The following VTI1B variants were observed in gnomAD, a reference collection of about 807,000 sequenced individuals.
VTI1B encodes vesicle transport through interaction with t-SNAREs 1B.
In VTI1B, 18 loss-of-function variants were observed where a neutral mutation model predicts 28.6. That is an observed-to-expected ratio of 0.63 (90% confidence interval 0.43 to 0.93). VTI1B has a LOEUF of 0.93. VTI1B is among the 40% of genes least tolerant of loss of function. The probability of loss-of-function intolerance (pLI) is 0.00; values close to 1 mark genes in which losing one functional copy is unlikely to be tolerated. For synonymous variants in VTI1B, 100 were observed against 107.9 expected (o/e 0.93, Z 0.46); for missense variants, 283 against 297.0 (o/e 0.95, Z 0.35).
At chr14:67,657,325 A>G (rs2037271193) in intron 3 of VTI1B, 1 of 152,088 alleles carries the variant, frequency 6.6e-6, no homozygotes, top group Non-Finnish European at 1.5e-5. Flanking sequence ...AAAGAACTTC[A>G]CCTAAGGTCA....
chr14:67,661,467 A>G (rs751233357), intron 2 of VTI1B, among the ~76,000 whole-genome samples: 7 of 151,080 alleles, frequency 4.6e-5, no homozygotes, highest in African/African-American at 1.7e-4. Flanking sequence ...AGAAAGGGAC[A>G]TGGTTAGAAT....
chr14:67,651,370 C>A lies in VTI1B; in HGVS notation c.*15G>T. The A allele has an allele frequency of 6.2e-7, 1 of 1,613,468 alleles. No homozygotes were observed. The highest frequency in any genetic ancestry group is 1.1e-5 in the South Asian group (1 of 91,046). ...AGGTCAAAGTTCTGGTCCACAAACC[C>A]TTCCCTATAGAAGTTCAATGGCTGC... is the stretch of plus-strand genomic sequence containing the variant. On this transcript the variant is annotated 3_prime_UTR_variant, in exon 6 of 6. Coordinates refer to ENST00000554659, the MANE Select transcript of VTI1B (RefSeq NM_006370.3).
At chr14:67,660,257 T>C (rs969810660) in intron 2 of VTI1B, 2 of 169,404 alleles carry the variant, frequency 1.2e-5, no homozygotes, top group East Asian at 1.7e-4. Context: ...CCATTTCATA[T>C]ATAAGACTTA....
rs368540957 is a variant in VTI1B, at chr14:67,662,547, A to G, written c.116-12T>C. The G allele has an allele frequency of 1.0e-5, 16 of 1,604,000 alleles. No individual in the cohort carries two copies. In the African/African-American group the frequency reaches 1.5e-4, roughly 15 times the overall value. On this transcript the variant is annotated splice_polypyrimidine_tract_variant and intron_variant, in intron 1 of 5. Transcript: ENST00000554659. Reference sequence around the variant, plus strand: ...TTTCTTCTTTTCTTCTAGAAAAGATAGATAAGTTTCAAATGCTTATTACTG... The same window carrying G: ...TTTCTTCTTTTCTTCTAGAAAAGATGGATAAGTTTCAAATGCTTATTACTG...
intron 1 of VTI1B, among the ~76,000 whole-genome samples, chr14:67,666,590 G>A (rs1421769604): frequency 6.6e-6 from 1 of 152,214 alleles, no homozygotes; most frequent in Non-Finnish European, 1.5e-5. Context: ...CTACCCAACT[G>A]AGAGGGATCA....
Position 67,649,272 on chromosome 14 carries a change from A to G in VTI1B, c.*2113T>C, listed in dbSNP as rs1366310484. On this transcript the variant is annotated 3_prime_UTR_variant, in exon 6 of 6. Coordinates refer to ENST00000554659, the MANE Select transcript of VTI1B (RefSeq NM_006370.3). ...CACAGTGGTTCATACCTATAATCCC[A>G]GTACTCTGGGAGGCCAAGGCAAGAG... 6.6e-6 allele frequency: 1 copy of G among 152,174 alleles called. No homozygotes were observed. Among genetic ancestry groups the G allele is most frequent in the Non-Finnish European group, 1.5e-5 (1 of 68,048 alleles). 9.4% of individuals were successfully genotyped at this position (152,174 alleles called of 1,614,324 possible). A position where few individuals can be genotyped will look rare whatever the true frequency, so the allele number is the denominator to read the frequency against.
chr14:67,647,141 T>C lies in VTI1B; in HGVS notation c.*4244A>G. The C allele has an allele frequency of 1.4e-6, 1 of 710,338 alleles. No homozygotes were observed. Among genetic ancestry groups the C allele is most frequent in the Non-Finnish European group, 2.3e-6 (1 of 431,820 alleles). 44.0% of individuals were successfully genotyped at this position (710,338 alleles called of 1,614,324 possible). ...TACAAAGCAAAAACATACACATAAT[T>C]TTAAATAGTTCAGAAAGGCAAAATT... is the stretch of plus-strand genomic sequence containing the variant. On this transcript the variant is annotated 3_prime_UTR_variant, in exon 6 of 6. Transcript: ENST00000554659.
At chr14:67,654,017 G>A (rs1251471121) in intron 4 of VTI1B, among the ~76,000 whole-genome samples, 4 of 152,166 alleles carry the variant, frequency 2.6e-5, no homozygotes, top group Non-Finnish European at 5.9e-5. Flanking sequence ...AATCTGGACA[G>A]CTGGAGGATA....
At chr14:67,654,914 A>G (rs1409735884) in intron 4 of VTI1B, among the ~76,000 whole-genome samples, 1 of 151,080 alleles carries the variant, frequency 6.6e-6, no homozygotes, top group Non-Finnish European at 1.5e-5. Flanking sequence ...CTGTAGTCCC[A>G]GCTACTCGGG....
At position 67,651,037 on chromosome 14, in the gene VTI1B, C is replaced by T. The variant is rs2140793482; in HGVS notation, c.*348G>A. 2 of 1,122,360 alleles carry T rather than the reference C, an allele frequency of 1.8e-6. No homozygotes were observed. The highest frequency in any genetic ancestry group is 1.5e-5 in the South Asian group (1 of 68,394). 69.5% of individuals were successfully genotyped at this position (1,122,360 alleles called of 1,614,324 possible). On this transcript the variant is annotated 3_prime_UTR_variant, in exon 6 of 6. Transcript: ENST00000554659. ...AATACTGCCTTAATGAGAACATTTA[C>T]ACATTCTCACAATTGTAAAGTTTCC... is the stretch of plus-strand genomic sequence containing the variant.
In VTI1B at chr14:67,647,235, C is replaced by A. The variant is rs1340397222; in HGVS notation, c.*4150G>T. 3 of 456,616 alleles carry A rather than the reference C, an allele frequency of 6.6e-6. No individual in the cohort carries two copies. The highest frequency in any genetic ancestry group is 6.9e-5 in the East Asian group (2 of 28,872). The allele number at this position is 456,616 out of a possible 1,614,324, so 28.3% of individuals were successfully genotyped here. On this transcript the variant is annotated 3_prime_UTR_variant, in exon 6 of 6. Coordinates refer to ENST00000554659, the MANE Select transcript of VTI1B (RefSeq NM_006370.3). ...GTTTCCTCTAAATCATTGCCTAGAT[C>A]TTCTGTCTCATGAATTTTTCTTTAT...
intron 1 of VTI1B, among the ~76,000 whole-genome samples, chr14:67,669,959 G>C (rs891054691): frequency 2.0e-5 from 3 of 152,132 alleles, no homozygotes; most frequent in Non-Finnish European, 2.9e-5. Context: ...GCCAGGCCTG[G>C]TGCCATGCAC....
rs372108358 is a variant in VTI1B, at chr14:67,656,640, T to C, written c.367-51A>G. On this transcript the variant is annotated intron_variant, in intron 3 of 5. Coordinates refer to ENST00000554659, the MANE Select transcript of VTI1B (RefSeq NM_006370.3). ...TTAGACTTTTTCCATTATAAATTCA[T>C]TGCCAGCATATTCCTCATCACCTTC... 9 of 1,545,100 alleles carry C rather than the reference T, an allele frequency of 5.8e-6. 1 individual carries two copies. The highest frequency in any genetic ancestry group is 3.5e-4 in the Middle Eastern group (2 of 5,794).
At chr14:67,652,105 A>T (rs1358799908) in intron 5 of VTI1B, among the ~76,000 whole-genome samples, 3 of 152,146 alleles carry the variant, frequency 2.0e-5, no homozygotes, top group East Asian at 3.8e-4. Context: ...GTTTTGTTTC[A>T]TGCTAGGCCA....
chr14:67,663,132 T>C (rs1355026968), intron 1 of VTI1B: 4 of 1,528,750 alleles, frequency 2.6e-6, no homozygotes, highest in African/African-American at 2.8e-5. Context: ...CTTTCAGCCT[T>C]TCCCATTCTG....
In VTI1B at chr14:67,648,113, AG is replaced by A; in HGVS notation, c.*3271del. On this transcript the variant is annotated 3_prime_UTR_variant, in exon 6 of 6. Coordinates refer to ENST00000554659, the MANE Select transcript of VTI1B (RefSeq NM_006370.3). ...TTGACCCTACACTGGCTCCAGCCAC[AG>A]GAACTCCTGTTGTCGGGGGACTAAC... The A allele has an allele frequency of 6.2e-7, 1 of 1,614,030 alleles. No individual in the cohort carries two copies. The highest frequency in any genetic ancestry group is 8.5e-7 in the Non-Finnish European group (1 of 1,179,910).
chr14:67,650,939 A>G lies in VTI1B; in HGVS notation c.*446T>C, dbSNP rs2037167148. 2 of 1,609,370 alleles carry G rather than the reference A, an allele frequency of 1.2e-6. No homozygotes were observed. Among genetic ancestry groups the G allele is most frequent in the Non-Finnish European group, 1.7e-6 (2 of 1,176,564 alleles). ...AATTTAGGAGACACTGTGCACTGACATGTTTCACAACAGGCATTCCAGAAT... is the reference window on the plus strand; with the variant it reads ...AATTTAGGAGACACTGTGCACTGACGTGTTTCACAACAGGCATTCCAGAAT... On this transcript the variant is annotated 3_prime_UTR_variant, in exon 6 of 6. Transcript: ENST00000554659.
Position 67,651,064 on chromosome 14 carries a change from C to T in VTI1B, c.*321G>A. On this transcript the variant is annotated 3_prime_UTR_variant, in exon 6 of 6. Coordinates refer to ENST00000554659, the MANE Select transcript of VTI1B (RefSeq NM_006370.3). ...CATTCTCACAATTGTAAAGTTTCCC[C>T]TCTATTTTGGTGACCAATACTACTG... 3 of 1,080,940 alleles carry T rather than the reference C, an allele frequency of 2.8e-6. No homozygotes were observed. Among genetic ancestry groups the T allele is most frequent in the Non-Finnish European group, 4.0e-6 (3 of 754,366 alleles). 67.0% of individuals were successfully genotyped at this position (1,080,940 alleles called of 1,614,324 possible).
rs774025142 is a variant in VTI1B, at chr14:67,649,716, G to C, written c.*1669C>G. 6.6e-6 allele frequency: 1 copy of C among 152,086 alleles called. No homozygotes were observed. Among genetic ancestry groups the C allele is most frequent in the Non-Finnish European group, 1.5e-5 (1 of 68,010 alleles). 9.4% of individuals were successfully genotyped at this position (152,086 alleles called of 1,614,324 possible). A position where few individuals can be genotyped will look rare whatever the true frequency, so the allele number is the denominator to read the frequency against. ...TTGCTAATAAGGGAAGATGCTGAAC[G>C]GACATGATGGCATTCAGCACATCAT... On this transcript the variant is annotated 3_prime_UTR_variant, in exon 6 of 6. Transcript: ENST00000554659.
Sources: allele counts gnomAD v4.1 joint callset (sites outside exome capture counted in the v4.1 genomes callset), GRCh38; gene constraint gnomAD v4.1.1; transcripts MANE v1.5; gene names NCBI Gene and HGNC (gene_info 2026-07-23, HGNC 2026-07-21).